RBFOX1: variants seen among roughly 807,000 people sequenced by gnomAD.
RBFOX1 encodes the protein RNA binding fox-1 homolog 1.
In RBFOX1, 8 loss-of-function variants were observed where a neutral mutation model predicts 57.7. The observed-to-expected ratio is 0.14, with a 90% CI of 0.08 to 0.25. The LOEUF (loss-of-function observed/expected upper bound fraction) is 0.25, where lower values mean the gene tolerates loss of function less well. RBFOX1 is among the 10% of genes least tolerant of loss of function. The pLI, the probability that RBFOX1 is intolerant of heterozygous loss-of-function variation, is 1.00. For missense variants in RBFOX1, 611 were observed against 548.5 expected (o/e 1.11, Z -1.14); for synonymous variants, 326 against 222.4 (o/e 1.47, Z -4.15).
chr16:7,513,470 T>C (rs1000873817), intron 4 of RBFOX1, among the ~76,000 whole-genome samples: 6 of 152,132 alleles, frequency 3.9e-5, no homozygotes, highest in African/African-American at 7.2e-5. Context: ...TAGAGATGCA[T>C]TGCATGAAAA....
At chr16:7,220,060 A>G (rs1384589897) in intron 4 of RBFOX1, among the ~76,000 whole-genome samples, 1 of 152,212 alleles carries the variant, frequency 6.6e-6, no homozygotes, top group Non-Finnish European at 1.5e-5. Flanking sequence ...ATGGAGTTGC[A>G]TTGTTTGACC....
chr16:5,765,929 C>G (rs548261419), intron 3 of RBFOX1, among the ~76,000 whole-genome samples: 1 of 152,268 alleles, frequency 6.6e-6, no homozygotes, highest in South Asian at 2.1e-4. Flanking sequence ...GGTGTTCCAC[C>G]ACTACCCAGC....
intron 1 of RBFOX1, among the ~76,000 whole-genome samples, chr16:6,045,102 G>C (rs1422173121): frequency 6.6e-6 from 1 of 152,214 alleles, no homozygotes. Flanking sequence ...CGGAACTAAA[G>C]CAGGGCTTCT....
chr16:7,392,096 G>T (rs750598856), intron 4 of RBFOX1, among the ~76,000 whole-genome samples: 2 of 152,164 alleles, frequency 1.3e-5, no homozygotes, highest in African/African-American at 2.4e-5. Context: ...GTGTTTGAAA[G>T]TTGCACACCC....
intron 2 of RBFOX1, among the ~76,000 whole-genome samples, chr16:6,614,661 T>G (rs1357418580): frequency 1.3e-5 from 2 of 152,172 alleles, no homozygotes; most frequent in Non-Finnish European, 2.9e-5. Flanking sequence ...CTTTCCTTAC[T>G]CCTAGTGATT....
At chr16:7,252,705 T>G (rs552313644) in intron 4 of RBFOX1, among the ~76,000 whole-genome samples, 4 of 152,246 alleles carry the variant, frequency 2.6e-5, no homozygotes, top group South Asian at 4.2e-4. Flanking sequence ...CTTTTTTTTT[T>G]TTTTTAAATT....
At chr16:6,990,101 T>C (rs1269889599) in intron 3 of RBFOX1, among the ~76,000 whole-genome samples, 1 of 152,226 alleles carries the variant, frequency 6.6e-6, no homozygotes, top group Non-Finnish European at 1.5e-5. Context: ...TGCTTGTTTT[T>C]ATGTGAACAT....
intron 3 of RBFOX1, among the ~76,000 whole-genome samples, chr16:5,734,969 C>G (rs1597027045): frequency 6.6e-6 from 1 of 152,100 alleles, no homozygotes; most frequent in Non-Finnish European, 1.5e-5. Context: ...TTGGCTCACA[C>G]AAACTGGCCA....
chr16:5,366,085 T>G, intron 1 of RBFOX1: 2 of 469,764 alleles, frequency 4.3e-6, no homozygotes, highest in Non-Finnish European at 8.3e-6. Flanking sequence ...ATACCACCAG[T>G]GCTCTTACGG....
intron 3 of RBFOX1, among the ~76,000 whole-genome samples, chr16:6,790,174 A>ATTATTATTG (rs1473130878): frequency 6.9e-6 from 1 of 145,322 alleles, no homozygotes; most frequent in African/African-American, 2.5e-5. Context: ...TTATTCTATT[A>ATTATTATTG]TTATTATTAT....
intron 4 of RBFOX1, among the ~76,000 whole-genome samples, chr16:7,317,684 G>C (rs745919850): frequency 6.6e-6 from 1 of 152,200 alleles, no homozygotes; most frequent in African/African-American, 2.4e-5. Flanking sequence ...AGCCACAGGA[G>C]TACAGGAGTG....
intron 2 of RBFOX1, among the ~76,000 whole-genome samples, chr16:6,605,589 G>A (rs928394473): frequency 6.6e-6 from 1 of 152,120 alleles, no homozygotes; most frequent in African/African-American, 2.4e-5. Flanking sequence ...TTTTACTTGT[G>A]CTGCTACTTT....
chr16:6,612,858 A>AT (rs1296216760), intron 2 of RBFOX1, among the ~76,000 whole-genome samples: 2,259 of 68,972 alleles, frequency 0.033, 32 homozygotes, highest in Middle Eastern at 0.096. Flanking sequence ...TCAAAAAAAA[A>AT]AAAAAAATAA....
intron 3 of RBFOX1, among the ~76,000 whole-genome samples, chr16:6,872,108 C>G (rs985644552): frequency 2.0e-5 from 3 of 152,074 alleles, no homozygotes; most frequent in Non-Finnish European, 2.9e-5. Context: ...GTAATGGTAC[C>G]TGTTATGTTT....
At chr16:7,527,894 G>C (rs2079058203) in intron 5 of RBFOX1, among the ~76,000 whole-genome samples, 1 of 152,156 alleles carries the variant, frequency 6.6e-6, no homozygotes, top group South Asian at 2.1e-4. Flanking sequence ...CATAAGAATT[G>C]TGAAATTTCC....
intron 2 of RBFOX1, among the ~76,000 whole-genome samples, chr16:6,612,854 A>C (rs1394800436): frequency 1.9e-5 from 1 of 52,412 alleles, no homozygotes; most frequent in African/African-American, 6.1e-5. Context: ...TCTCTCAAAA[A>C]AAAAAAAAAA....
intron 4 of RBFOX1, among the ~76,000 whole-genome samples, chr16:7,059,767 G>A (rs2053667420): frequency 1.3e-5 from 2 of 152,268 alleles, no homozygotes; most frequent in South Asian, 4.1e-4. Context: ...CCGTTGCAGT[G>A]TCTGCTTGCC....
chr16:6,688,113 G>C (rs903005399), intron 3 of RBFOX1, among the ~76,000 whole-genome samples: 1 of 152,014 alleles, frequency 6.6e-6, no homozygotes, highest in African/African-American at 2.4e-5. Context: ...CATTGGCTCC[G>C]GGTTCAGCAG....
chr16:6,696,060 G>T (rs547946164), intron 3 of RBFOX1, among the ~76,000 whole-genome samples: 46 of 152,148 alleles, frequency 3.0e-4, no homozygotes, highest in Non-Finnish European at 6.3e-4. Context: ...GGCAATTGTT[G>T]TATCTAGAAA....
Sources: allele counts gnomAD v4.1 joint callset (sites outside exome capture counted in the v4.1 genomes callset), GRCh38; gene constraint gnomAD v4.1.1; transcripts MANE v1.5; gene names NCBI Gene and HGNC (gene_info 2026-07-23, HGNC 2026-07-21).